NRXN3: variants seen among roughly 807,000 people sequenced by gnomAD.
NRXN3 encodes the protein neurexin 3, also known as neurexin III.
A neutral mutation model predicts 137.6 loss-of-function variants in NRXN3; 32 were observed. The ratio of observed to expected loss-of-function variants is 0.23; its 90% CI spans 0.18 to 0.31. The LOEUF (loss-of-function observed/expected upper bound fraction) is 0.31. NRXN3 is among the 10% of genes least tolerant of loss of function. The pLI, the probability that NRXN3 is intolerant of heterozygous loss-of-function variation, is 1.00. For synonymous variants in NRXN3, 798 were observed against 784.5 expected, an observed-to-expected ratio of 1.02 and a Z score of -0.29; for missense variants, 1,574 against 2,062.5, an observed-to-expected ratio of 0.76 and a Z score of 4.59.
At chr14:79,695,783 T>C (rs1022601428) in intron 18 of NRXN3, among the ~76,000 whole-genome samples, 1 of 151,998 alleles carries the variant, frequency 6.6e-6, no homozygotes, top group Admixed American at 6.6e-5. Context: ...GTGATGCATA[T>C]GCACAACACA....
intron 10 of NRXN3, among the ~76,000 whole-genome samples, chr14:78,853,915 T>G (rs2152496475): frequency 6.6e-6 from 1 of 152,314 alleles, no homozygotes; most frequent in South Asian, 2.1e-4. Flanking sequence ...AGAGTGCATT[T>G]GTATTCTTAA....
At chr14:78,573,339 G>T (rs918977027) in intron 4 of NRXN3, among the ~76,000 whole-genome samples, 25 of 152,186 alleles carry the variant, frequency 1.6e-4, no homozygotes, top group African/African-American at 6.0e-4. Flanking sequence ...ACAGGCAGAG[G>T]TTGGAACATG....
chr14:79,021,277 G>A (rs909319056), intron 15 of NRXN3, among the ~76,000 whole-genome samples: 4 of 152,094 alleles, frequency 2.6e-5, no homozygotes, highest in Admixed American at 2.6e-4. Context: ...GTGCGGGTCT[G>A]GGACCTTAAA....
intron 16 of NRXN3, among the ~76,000 whole-genome samples, chr14:79,619,259 TA>T (rs2098195161): frequency 6.6e-6 from 1 of 152,182 alleles, no homozygotes; most frequent in Admixed American, 6.5e-5. Flanking sequence ...TTTGGAGATT[TA>T]GTTGTGCATT....
chr14:79,737,932 A>G (rs1291395157), intron 19 of NRXN3, among the ~76,000 whole-genome samples: 4 of 152,198 alleles, frequency 2.6e-5, no homozygotes. Context: ...CAGGCTTCAT[A>G]TAGAATCCAA....
At chr14:79,653,259 G>A (rs2098485750) in intron 16 of NRXN3, among the ~76,000 whole-genome samples, 1 of 152,096 alleles carries the variant, frequency 6.6e-6, no homozygotes, top group African/African-American at 2.4e-5. Flanking sequence ...CAAGTATTTT[G>A]CAGATGCATT....
intron 8 of NRXN3, among the ~76,000 whole-genome samples, chr14:78,801,716 T>G (rs192052392): frequency 1.5e-4 from 23 of 152,320 alleles, no homozygotes; most frequent in African/African-American, 5.3e-4. Flanking sequence ...AGCATCCTCC[T>G]TCTTTCTTTC....
rs139255782 is a variant in NRXN3, at chr14:78,581,280, A to G, written c.758-63840A>G. ...AAATACCACAGACTGAATAATTTAT[A>G]AATAATGGAAACTTATTTCTCACAG... On this transcript the variant is annotated intron_variant, in intron 4 of 20. Coordinates refer to ENST00000335750, the MANE Select transcript of NRXN3 (RefSeq NM_001330195.2). Among the ~76,000 whole-genome samples, 949 of 152,298 alleles carry G rather than the reference A, an allele frequency of 6.2e-3. 43 individuals are homozygous for G. The highest frequency in any genetic ancestry group is 0.053 in the Admixed American group (817 of 15,302).
chr14:78,350,320 T>C (rs1165058148), intron 4 of NRXN3, among the ~76,000 whole-genome samples: 1 of 149,912 alleles, frequency 6.7e-6, no homozygotes, highest in African/African-American at 2.4e-5. Context: ...AGAAAAGGGT[T>C]CTCTGGGAGG....
At chr14:79,853,531 C>T in intron 20 of NRXN3, 2 of 1,348,300 alleles carry the variant, frequency 1.5e-6, no homozygotes, top group Non-Finnish European at 2.0e-6. Context: ...CCCATCCCTT[C>T]CTTACAGCCA....
At chr14:79,577,443 G>T (rs567582979) in intron 16 of NRXN3, among the ~76,000 whole-genome samples, 1 of 151,996 alleles carries the variant, frequency 6.6e-6, no homozygotes, top group East Asian at 1.9e-4. Flanking sequence ...TTTTAGTTTT[G>T]CTGCATCATT....
chr14:79,107,587 G>A (rs2052677489), intron 15 of NRXN3, among the ~76,000 whole-genome samples: 1 of 152,138 alleles, frequency 6.6e-6, no homozygotes, highest in Non-Finnish European at 1.5e-5. Flanking sequence ...GAGAGGAAAA[G>A]GGAAGATTAC....
intron 16 of NRXN3, among the ~76,000 whole-genome samples, chr14:79,652,402 A>ACT (rs779378170): frequency 0.08 from 12,111 of 152,080 alleles, 1,623 homozygotes; most frequent in African/African-American, 0.28. Context: ...ACTCATGGAT[A>ACT]ATTTGTGTAT....
At chr14:79,662,077 T>A (rs758339021) in intron 16 of NRXN3, among the ~76,000 whole-genome samples, 1 of 152,142 alleles carries the variant, frequency 6.6e-6, no homozygotes, top group Non-Finnish European at 1.5e-5. Context: ...TCCTTCCTGC[T>A]GCCACGTGAA....
chr14:78,465,052 A>C (rs191897440), intron 4 of NRXN3, among the ~76,000 whole-genome samples: 13 of 152,090 alleles, frequency 8.5e-5, no homozygotes, highest in African/African-American at 2.9e-4. Flanking sequence ...TTCAACCCAC[A>C]CTGAGAGACT....
chr14:78,567,645 T>C (rs77989356), intron 4 of NRXN3, among the ~76,000 whole-genome samples: 2,674 of 152,294 alleles, frequency 0.018, 60 homozygotes, highest in East Asian at 0.094. Context: ...CTGTTCTTAA[T>C]GGGCTTGTTA....
intron 15 of NRXN3, among the ~76,000 whole-genome samples, chr14:79,392,163 G>A (rs1036000221): frequency 6.6e-6 from 1 of 152,054 alleles, no homozygotes; most frequent in African/African-American, 2.4e-5. Flanking sequence ...CTCCCCAACA[G>A]GTCCTGGTGT....
At chr14:78,933,513 T>C (rs2099327707) in intron 10 of NRXN3, among the ~76,000 whole-genome samples, 1 of 152,264 alleles carries the variant, frequency 6.6e-6, no homozygotes, top group Non-Finnish European at 1.5e-5. Context: ...TTTTTTATTT[T>C]AAGTGGTAAA....
At chr14:79,389,898 A>G (rs1173478840) in intron 15 of NRXN3, among the ~76,000 whole-genome samples, 2 of 152,228 alleles carry the variant, frequency 1.3e-5, no homozygotes, top group Admixed American at 6.5e-5. Context: ...CAAGAATTTT[A>G]AAAAGTTGTT....
Sources: allele counts gnomAD v4.1 joint callset (sites outside exome capture counted in the v4.1 genomes callset), GRCh38; gene constraint gnomAD v4.1.1; transcripts MANE v1.5; gene names NCBI Gene and HGNC (gene_info 2026-07-23, HGNC 2026-07-21).